The following RABGAP1L variants were observed in gnomAD, a reference collection of about 807,000 sequenced individuals.
RABGAP1L encodes the protein RAB GTPase activating protein 1 like.
Under a neutral mutation model 137.7 loss-of-function variants are expected in RABGAP1L, and 63 were observed. The ratio of observed to expected loss-of-function variants is 0.46; its 90% confidence interval spans 0.37 to 0.56. The LOEUF (loss-of-function observed/expected upper bound fraction) is 0.56, where lower values mean the gene tolerates loss of function less well. RABGAP1L is among the 20% of genes least tolerant of loss of function. RABGAP1L has a pLI of 0.00. For synonymous variants in RABGAP1L, 431 were observed against 433.7 expected, an observed-to-expected ratio of 0.99 and a Z score of 0.08; for missense variants, 1,095 against 1,244.0, an observed-to-expected ratio of 0.88 and a Z score of 1.80.
chr1:174,629,228 G>C (rs1673141369), intron 13 of RABGAP1L, among the ~76,000 whole-genome samples: 1 of 152,166 alleles, frequency 6.6e-6, no homozygotes, highest in Non-Finnish European at 1.5e-5. Context: ...CAACTGTTAT[G>C]GGTAATTGGA....
At chr1:174,808,658 CTTT>C (rs531245667) in intron 18 of RABGAP1L, among the ~76,000 whole-genome samples, 1 of 143,410 alleles carries the variant, frequency 7.0e-6, no homozygotes. Flanking sequence ...TTCTTTCTTT[CTTT>C]TTTTTTTTTG....
chr1:174,334,887 C>T (rs1243479350), intron 11 of RABGAP1L, among the ~76,000 whole-genome samples: 1 of 152,126 alleles, frequency 6.6e-6, no homozygotes, highest in African/African-American at 2.4e-5. Context: ...GCAGAGATAA[C>T]ATTTCTGGAA....
chr1:174,793,716 G>A (rs1203154825), intron 18 of RABGAP1L, among the ~76,000 whole-genome samples: 1 of 150,158 alleles, frequency 6.7e-6, no homozygotes, highest in Non-Finnish European at 1.5e-5. Flanking sequence ...TTTTTTTTGA[G>A]ATGGATTTTC....
chr1:174,910,770 C>A (rs1182924624), intron 19 of RABGAP1L, among the ~76,000 whole-genome samples: 1 of 152,118 alleles, frequency 6.6e-6, no homozygotes, highest in Non-Finnish European at 1.5e-5. Context: ...ACGATCTGTG[C>A]AAGTATCTGT....
chr1:174,564,919 T>C (rs1047381773), intron 13 of RABGAP1L, among the ~76,000 whole-genome samples: 2 of 150,810 alleles, frequency 1.3e-5, no homozygotes, highest in Non-Finnish European at 2.9e-5. Flanking sequence ...ACAATACAAC[T>C]CCCCCCTGCC....
chr1:174,603,416 C>T (rs1670557749), intron 13 of RABGAP1L, among the ~76,000 whole-genome samples: 1 of 152,124 alleles, frequency 6.6e-6, no homozygotes, highest in Non-Finnish European at 1.5e-5. Context: ...GAATCCAGCA[C>T]AGTACTGGGT....
chr1:174,910,772 AG>A (rs778056846), intron 19 of RABGAP1L, among the ~76,000 whole-genome samples: 2 of 152,200 alleles, frequency 1.3e-5, no homozygotes, highest in Non-Finnish European at 2.9e-5. Context: ...GATCTGTGCA[AG>A]TATCTGTTTG....
chr1:174,547,062 A>AG (rs1666077954), intron 13 of RABGAP1L, among the ~76,000 whole-genome samples: 2 of 149,362 alleles, frequency 1.3e-5, no homozygotes, highest in African/African-American at 5.1e-5. Context: ...AAAAAGATAA[A>AG]GCAGTTAAAT....
In RABGAP1L at chr1:174,875,403, C is replaced by T. The variant is rs987091817; in HGVS notation, c.2340+63443C>T. 9 of 317,000 alleles carry T rather than the reference C, an allele frequency of 2.8e-5. 1 individual carries two copies. In the South Asian group the frequency reaches 6.2e-4, roughly 22 times the overall value. The allele number at this position is 317,000 out of a possible 1,614,324, so 19.6% of individuals were successfully genotyped here. On this transcript the variant is annotated intron_variant, in intron 19 of 25. Transcript: ENST00000681986. Reference sequence around the variant, plus strand: ...ACGCTGAATGCACTCTCCCAGGGTGCATAGGCGCTGCTGAACTGCGGTTAT... The same window carrying T: ...ACGCTGAATGCACTCTCCCAGGGTGTATAGGCGCTGCTGAACTGCGGTTAT...
At chr1:174,378,055 G>A (rs1290105684) in intron 12 of RABGAP1L, among the ~76,000 whole-genome samples, 822 of 142,618 alleles carry the variant, frequency 5.8e-3, no homozygotes, top group African/African-American at 0.021. Flanking sequence ...TTGTTCTTGC[G>A]ATAGTTTACT....
At chr1:174,546,000 G>C (rs1665977510) in intron 13 of RABGAP1L, 1 of 152,092 alleles carries the variant, frequency 6.6e-6, no homozygotes, top group African/African-American at 2.4e-5. Flanking sequence ...TAAGTAGAAA[G>C]GTTCTGTCAT....
intron 14 of RABGAP1L, among the ~76,000 whole-genome samples, chr1:174,664,833 G>A (rs1359435262): frequency 6.8e-6 from 1 of 147,490 alleles, no homozygotes; most frequent in East Asian, 2.0e-4. Flanking sequence ...TGCCTCCCGG[G>A]TTCAAGCGTT....
At chr1:174,542,542 C>A (rs535797501) in intron 13 of RABGAP1L, among the ~76,000 whole-genome samples, 1 of 151,922 alleles carries the variant, frequency 6.6e-6, no homozygotes, top group Non-Finnish European at 1.5e-5. Flanking sequence ...TTCAAAAAAC[C>A]AGCTCCTGGA....
intron 12 of RABGAP1L, among the ~76,000 whole-genome samples, chr1:174,388,701 A>G (rs1686997362): frequency 6.6e-6 from 1 of 152,156 alleles, no homozygotes; most frequent in Non-Finnish European, 1.5e-5. Context: ...AAAAAAGTTT[A>G]AAGACAAAAA....
intron 13 of RABGAP1L, among the ~76,000 whole-genome samples, chr1:174,509,255 G>T (rs1347470901): frequency 6.6e-6 from 1 of 152,152 alleles, no homozygotes; most frequent in Non-Finnish European, 1.5e-5. Flanking sequence ...GAGATAAATT[G>T]TAATACCTAT....
chr1:174,623,585 G>A (rs575157441), intron 13 of RABGAP1L, among the ~76,000 whole-genome samples: 1 of 152,282 alleles, frequency 6.6e-6, no homozygotes, highest in African/African-American at 2.4e-5. Context: ...AGTAATGGAT[G>A]TTACTTTTCT....
chr1:174,232,079 A>G (rs1670710755), intron 4 of RABGAP1L, among the ~76,000 whole-genome samples: 1 of 152,022 alleles, frequency 6.6e-6, no homozygotes, highest in African/African-American at 2.4e-5. Flanking sequence ...CTGAAGTAAT[A>G]GTGGTTGAAA....
intron 13 of RABGAP1L, among the ~76,000 whole-genome samples, chr1:174,460,450 G>A (rs374262927): frequency 6.6e-6 from 1 of 151,988 alleles, no homozygotes; most frequent in African/African-American, 2.4e-5. Context: ...TTTTCTAAAG[G>A]ATTTTTAAAT....
chr1:174,598,260 G>A (rs1044133870), intron 13 of RABGAP1L, among the ~76,000 whole-genome samples: 8 of 151,134 alleles, frequency 5.3e-5, no homozygotes, highest in East Asian at 3.9e-4. Context: ...CCCGGGAGGC[G>A]GAGGTTGCAG....
Sources: gnomAD v4.1 joint callset for allele counts (sites outside exome capture counted in the v4.1 genomes callset) on GRCh38, gnomAD v4.1.1 for gene constraint, MANE v1.5 for transcripts, NCBI Gene and HGNC (gene_info 2026-07-23, HGNC 2026-07-21) for gene names.